The following PHYHIPL variants were observed in gnomAD, a reference collection of about 807,000 sequenced individuals.
PHYHIPL encodes the protein phytanoyl-CoA hydroxylase-interacting protein-like.
Under a neutral mutation model 33.4 loss-of-function variants are expected in PHYHIPL, and 9 were observed. The observed-to-expected ratio is 0.27, with a 90% CI of 0.16 to 0.47. The LOEUF is 0.47. Among genes scored for constraint, PHYHIPL ranks in the 20% least tolerant of loss-of-function variants. PHYHIPL has a pLI of 0.99. For missense variants in PHYHIPL, 365 were observed against 460.7 expected, an observed-to-expected ratio of 0.79 and a Z score of 1.90; for synonymous variants, 153 against 154.1, an observed-to-expected ratio of 0.99 and a Z score of 0.05.
intron 3 of PHYHIPL, among the ~76,000 whole-genome samples, chr10:59,236,891 G>T (rs1381460439): frequency 6.6e-6 from 1 of 151,544 alleles, no homozygotes; most frequent in Non-Finnish European, 1.5e-5. Context: ...TATATCCATA[G>T]TTTGATTTCT....
At chr10:59,190,253 G>C (rs1838749177) in intron 1 of PHYHIPL, among the ~76,000 whole-genome samples, 1 of 151,756 alleles carries the variant, frequency 6.6e-6, no homozygotes, top group Non-Finnish European at 1.5e-5. Context: ...TGAAAATTCT[G>C]GTTCATACAA....
upstream of PHYHIPL, chr10:59,176,635 G>C: frequency 1.4e-5 from 6 of 428,542 alleles, no homozygotes; most frequent in Non-Finnish European, 4.1e-6. Flanking sequence ...GGTCCTGCTC[G>C]GTCTCTCAGA....
intron 4 of PHYHIPL, among the ~76,000 whole-genome samples, chr10:59,240,587 CA>C (rs1840364091): frequency 6.6e-6 from 1 of 151,708 alleles, no homozygotes; most frequent in Non-Finnish European, 1.5e-5. Flanking sequence ...TAAAGTCAAA[CA>C]ATTGTAAGCC....
chr10:59,200,091 A>G (rs1301982669), intron 1 of PHYHIPL, among the ~76,000 whole-genome samples: 1 of 152,078 alleles, frequency 6.6e-6, no homozygotes, highest in East Asian at 1.9e-4. Flanking sequence ...TTCCAACATT[A>G]TGTTGAATAG....
chr10:59,183,377 G>A (rs187386614), intron 1 of PHYHIPL, among the ~76,000 whole-genome samples: 4 of 152,294 alleles, frequency 2.6e-5, no homozygotes, highest in Admixed American at 2.6e-4. Context: ...AACATTAAGA[G>A]AACCCTTAGA....
intron 1 of PHYHIPL, among the ~76,000 whole-genome samples, chr10:59,210,217 TCAAA>T (rs1157823020): frequency 2.0e-5 from 3 of 150,330 alleles, no homozygotes; most frequent in Non-Finnish European, 4.4e-5. Context: ...TACAAAGAAC[TCAAA>T]CAAATTTACA....
chr10:59,212,951 C>G (rs998198881), intron 1 of PHYHIPL, among the ~76,000 whole-genome samples: 12 of 152,072 alleles, frequency 7.9e-5, no homozygotes, highest in Middle Eastern at 3.2e-3. Flanking sequence ...TTTGACTTCA[C>G]TAGAAACCAT....
At chr10:59,231,647 C>T (rs1031600613) in intron 1 of PHYHIPL, among the ~76,000 whole-genome samples, 2 of 152,058 alleles carry the variant, frequency 1.3e-5, no homozygotes, top group African/African-American at 4.8e-5. Context: ...TAACACAGTA[C>T]TTTCAGTCCG....
chr10:59,223,085 A>G (rs1839824895), intron 1 of PHYHIPL, among the ~76,000 whole-genome samples: 1 of 152,214 alleles, frequency 6.6e-6, no homozygotes, highest in Admixed American at 6.5e-5. Context: ...GTACTTATGT[A>G]TGTGGGATAT....
chr10:59,210,472 TTGG>T (rs1470648856), intron 1 of PHYHIPL, among the ~76,000 whole-genome samples: 3 of 152,198 alleles, frequency 2.0e-5, no homozygotes, highest in Non-Finnish European at 2.9e-5. Flanking sequence ...TTTTACACTG[TTGG>T]TGGGAGTGTA....
chr10:59,190,331 G>C (rs1034417442), intron 1 of PHYHIPL, among the ~76,000 whole-genome samples: 2 of 151,806 alleles, frequency 1.3e-5, no homozygotes, highest in African/African-American at 4.8e-5. Context: ...CAAATAAACT[G>C]ATCAAGACCA....
intron 2 of PHYHIPL, among the ~76,000 whole-genome samples, chr10:59,235,238 T>C (rs1840188771): frequency 6.6e-6 from 1 of 151,842 alleles, no homozygotes; most frequent in African/African-American, 2.4e-5. Context: ...GTTTTGAGAA[T>C]GAAAATTATT....
chr10:59,181,934 C>G (rs755269218), intron 1 of PHYHIPL, among the ~76,000 whole-genome samples: 1 of 152,134 alleles, frequency 6.6e-6, no homozygotes, highest in East Asian at 1.9e-4. Flanking sequence ...TAGGTAGGCC[C>G]GGTCAGAAAT....
At chr10:59,206,268 G>C (rs1839282623) in intron 1 of PHYHIPL, among the ~76,000 whole-genome samples, 1 of 152,056 alleles carries the variant, frequency 6.6e-6, no homozygotes, top group East Asian at 1.9e-4. Context: ...TAACCTAATA[G>C]CCTGATCTCC....
chr10:59,223,962 A>G (rs2133263485), intron 1 of PHYHIPL, among the ~76,000 whole-genome samples: 1 of 152,262 alleles, frequency 6.6e-6, no homozygotes. Flanking sequence ...ACCCAGCCCA[A>G]TTGCCCTTTT....
rs562307928 is a variant in PHYHIPL, at chr10:59,208,642, G to A, written c.107-25662G>A. On this transcript the variant is annotated intron_variant, in intron 1 of 4. Coordinates refer to ENST00000373880, the MANE Select transcript of PHYHIPL (RefSeq NM_032439.4). ...ACAAACTCCTTTGAGCTAAAGGAGC[G>A]TGTTCTAATCCAATGCAAGGAAGCT... 9.2e-5 allele frequency among the ~76,000 whole-genome samples: 14 copies of A among 152,018 alleles called. No individual in the cohort carries two copies. The East Asian group carries it at 1.2e-3, about 13-fold the overall frequency.
intron 1 of PHYHIPL, among the ~76,000 whole-genome samples, chr10:59,188,000 T>G (rs1305743319): frequency 6.6e-6 from 1 of 152,232 alleles, no homozygotes; most frequent in Non-Finnish European, 1.5e-5. Context: ...TTTCTTGGCT[T>G]CTGCTAGCTT....
At position 59,176,791 on chromosome 10, in the gene PHYHIPL, C is replaced by A; in HGVS notation, c.-63C>A. On this transcript the variant is annotated 5_prime_UTR_variant, in exon 1 of 5. Coordinates refer to ENST00000373880, the MANE Select transcript of PHYHIPL (RefSeq NM_032439.4). Reference sequence around the variant, plus strand: ...CCCCCTCCCTTTCCCGCTCTTCTTGCCCACCCGGCCGGCAGAGAGAGCCTG... The same window carrying A: ...CCCCCTCCCTTTCCCGCTCTTCTTGACCACCCGGCCGGCAGAGAGAGCCTG... The A allele has an allele frequency of 6.9e-7, 1 of 1,459,602 alleles. No individual in the cohort carries two copies. Among genetic ancestry groups the A allele is most frequent in the Non-Finnish European group, 9.4e-7 (1 of 1,065,362 alleles). 90.4% of individuals were successfully genotyped at this position (1,459,602 alleles called of 1,614,324 possible). A position where few individuals can be genotyped will look rare whatever the true frequency, so the allele number is the denominator to read the frequency against.
chr10:59,219,628 T>G (rs563700578), intron 1 of PHYHIPL, among the ~76,000 whole-genome samples: 77 of 152,282 alleles, frequency 5.1e-4, no homozygotes, highest in African/African-American at 1.8e-3. Flanking sequence ...TGATGTTATT[T>G]TATTTTATGC....
Sources: gnomAD v4.1 joint callset for allele counts (sites outside exome capture counted in the v4.1 genomes callset) on GRCh38, gnomAD v4.1.1 for gene constraint, MANE v1.5 for transcripts, NCBI Gene and HGNC (gene_info 2026-07-23, HGNC 2026-07-21) for gene names.